CALN1: variants seen among roughly 807,000 people sequenced by gnomAD.
The protein encoded by CALN1 is calcium-binding protein 8.
In CALN1, 17 loss-of-function variants were observed where a neutral mutation model predicts 30.6. That is an observed-to-expected ratio of 0.56 (90% CI 0.38 to 0.83). The LOEUF is 0.83. Ranked by LOEUF, CALN1 falls within the 40% of genes least tolerant of loss-of-function variation. CALN1 has a pLI of 0.00. For missense variants in CALN1, 291 were observed against 354.9 expected, an observed-to-expected ratio of 0.82 and a Z score of 1.45; for synonymous variants, 156 against 131.4, an observed-to-expected ratio of 1.19 and a Z score of -1.28.
At chr7:71,827,700 A>G (rs1263293444) in intron 5 of CALN1, among the ~76,000 whole-genome samples, 1 of 151,936 alleles carries the variant, frequency 6.6e-6, no homozygotes, top group South Asian at 2.1e-4. Flanking sequence ...TGAACCTGGG[A>G]GGCAGAGGTT....
intron 4 of CALN1, among the ~76,000 whole-genome samples, chr7:72,041,835 A>C (rs1363005456): frequency 6.6e-6 from 1 of 152,172 alleles, no homozygotes. Context: ...GATAAAGGGG[A>C]GTTCCCCTGC....
intron 3 of CALN1, among the ~76,000 whole-genome samples, chr7:72,198,580 A>C (rs1010352256): frequency 6.6e-6 from 1 of 152,034 alleles, no homozygotes; most frequent in African/African-American, 2.4e-5. Flanking sequence ...CCCGTCTGCT[A>C]TAACCACCCC....
intron 3 of CALN1, among the ~76,000 whole-genome samples, chr7:72,223,533 C>T (rs935452746): frequency 6.6e-6 from 1 of 152,164 alleles, no homozygotes; most frequent in Non-Finnish European, 1.5e-5. Context: ...TTAAAAAGAG[C>T]AGGACATTCC....
chr7:72,403,581 A>G (rs1246250951), intron 1 of CALN1, 139 bp from the exon 2 acceptor site: 1 of 454,868 alleles, frequency 2.2e-6, no homozygotes, highest in Non-Finnish European at 3.9e-6. Context: ...TGGCACAAGA[A>G]ATATAATTAC....
At chr7:72,487,958 G>C in the CALN1 span, among the ~76,000 whole-genome samples, 24 of 111,146 alleles carry the variant, frequency 2.2e-4, no homozygotes, top group African/African-American at 9.1e-4. Flanking sequence ...AGGAAGGAAA[G>C]GAAGGAAGGA....
intron 2 of CALN1, among the ~76,000 whole-genome samples, chr7:72,310,014 G>C (rs1039149005): frequency 3.3e-5 from 5 of 152,074 alleles, no homozygotes; most frequent in African/African-American, 1.2e-4. Context: ...CCCCAGGGAT[G>C]CCCCCACACT....
the CALN1 span, among the ~76,000 whole-genome samples, chr7:72,485,410 T>A: frequency 1.3e-5 from 2 of 152,252 alleles, no homozygotes; most frequent in South Asian, 2.1e-4. Context: ...GAAATTTTTT[T>A]AATCACAGAA....
At chr7:72,148,182 T>C (rs1585040060) in intron 3 of CALN1, among the ~76,000 whole-genome samples, 1 of 141,772 alleles carries the variant, frequency 7.1e-6, no homozygotes, top group African/African-American at 2.7e-5. Flanking sequence ...GTGTTAGAGA[T>C]GGGGCTTGGT....
intron 5 of CALN1, among the ~76,000 whole-genome samples, chr7:71,867,006 G>A (rs1012430482): frequency 2.0e-5 from 3 of 151,954 alleles, no homozygotes; most frequent in Non-Finnish European, 4.4e-5. Context: ...TTAGCCAGGG[G>A]TGGTGGTGCA....
At chr7:72,466,713 A>G in the CALN1 span, among the ~76,000 whole-genome samples, 1 of 151,794 alleles carries the variant, frequency 6.6e-6, no homozygotes, top group Admixed American at 6.6e-5. Context: ...ACTGCACACC[A>G]GCCTGGGCAA....
At chr7:72,480,808 A>AT in the CALN1 span, among the ~76,000 whole-genome samples, 1 of 152,180 alleles carries the variant, frequency 6.6e-6, no homozygotes, top group African/African-American at 2.4e-5. Context: ...TGTCAAATTC[A>AT]TTGGCCAAAA....
At chr7:72,064,438 T>C (rs547446992) in intron 4 of CALN1, among the ~76,000 whole-genome samples, 13 of 152,356 alleles carry the variant, frequency 8.5e-5, no homozygotes, top group African/African-American at 2.9e-4. Flanking sequence ...TAATCACTTT[T>C]GGCAGGTGCT....
chr7:71,785,887 T>C lies in CALN1; in HGVS notation c.*1888A>G, dbSNP rs1369009606. On this transcript the variant is annotated 3_prime_UTR_variant, in exon 7 of 7. Transcript: ENST00000395275. ...AAGGCAGGTTGCTGCCTCCTTGGTCTGGCCTTGCTGGGCTGAACTCCAGGA... is the reference window on the plus strand; with the variant it reads ...AAGGCAGGTTGCTGCCTCCTTGGTCCGGCCTTGCTGGGCTGAACTCCAGGA... 2 of 152,850 alleles carry C rather than the reference T, an allele frequency of 1.3e-5. No individual in the cohort carries two copies. The highest frequency in any genetic ancestry group is 4.8e-5 in the African/African-American group (2 of 41,468). 9.5% of individuals were successfully genotyped at this position (152,850 alleles called of 1,614,324 possible).
chr7:72,382,339 G>A (rs1265302090), intron 2 of CALN1, among the ~76,000 whole-genome samples: 1 of 152,208 alleles, frequency 6.6e-6, no homozygotes, highest in Non-Finnish European at 1.5e-5. Context: ...AAGAAATAAA[G>A]AGAATCTGGG....
At chr7:71,875,564 G>T (rs536309416) in intron 5 of CALN1, among the ~76,000 whole-genome samples, 1 of 152,256 alleles carries the variant, frequency 6.6e-6, no homozygotes, top group South Asian at 2.1e-4. Flanking sequence ...AGGAGGTCAT[G>T]GCAGGAAGCC....
chr7:72,155,559 G>C (rs953964980), intron 3 of CALN1, among the ~76,000 whole-genome samples: 1 of 152,044 alleles, frequency 6.6e-6, no homozygotes, highest in African/African-American at 2.4e-5. Context: ...CCCATTCTGT[G>C]ACACTTGGTT....
At chr7:72,025,062 G>A (rs1191610518) in intron 4 of CALN1, among the ~76,000 whole-genome samples, 1 of 152,134 alleles carries the variant, frequency 6.6e-6, no homozygotes, top group Non-Finnish European at 1.5e-5. Flanking sequence ...TGTAATCCCA[G>A]CACTTTGGAA....
At chr7:72,193,355 G>A (rs561686530) in intron 3 of CALN1, among the ~76,000 whole-genome samples, 1 of 152,036 alleles carries the variant, frequency 6.6e-6, no homozygotes, top group Non-Finnish European at 1.5e-5. Flanking sequence ...ACAGAGAAGG[G>A]TAGAAGACTC....
chr7:72,345,032 AT>A (rs971478129), intron 2 of CALN1, among the ~76,000 whole-genome samples: 8 of 147,876 alleles, frequency 5.4e-5, no homozygotes, highest in Non-Finnish European at 1.0e-4. Context: ...ATAATGGCAC[AT>A]GTTATATATT....
Sources: allele counts gnomAD v4.1 joint callset (sites outside exome capture counted in the v4.1 genomes callset), GRCh38; gene constraint gnomAD v4.1.1; transcripts MANE v1.5; gene names NCBI Gene and HGNC (gene_info 2026-07-23, HGNC 2026-07-21).